The following OSBPL2 variants were observed in gnomAD, a reference collection of about 807,000 sequenced individuals.
OSBPL2 encodes oxysterol binding protein like 2.
In OSBPL2, 18 loss-of-function variants were observed where a neutral mutation model predicts 58.4. The ratio of observed to expected loss-of-function variants is 0.31; its 90% CI spans 0.21 to 0.46. The LOEUF (loss-of-function observed/expected upper bound fraction) is 0.46. OSBPL2 is among the 20% of genes least tolerant of loss of function. OSBPL2 has a pLI of 1.00. For synonymous variants in OSBPL2, 221 were observed against 234.1 expected (o/e 0.94, Z 0.51); for missense variants, 461 against 616.5 (o/e 0.75, Z 2.67).
At chr20:62,281,707 C>T in intron 8 of OSBPL2, 83 bp from the exon 9 acceptor site, 1 of 1,005,976 alleles carries the variant, frequency 9.9e-7, no homozygotes, top group East Asian at 2.4e-5. Context: ...CAGGGGCCTC[C>T]ACCGCGCTTC....
intron 4 of OSBPL2, among the ~76,000 whole-genome samples, chr20:62,270,017 G>T (rs1981950713): frequency 6.6e-6 from 1 of 152,240 alleles, no homozygotes; most frequent in South Asian, 2.1e-4. Flanking sequence ...ACTCGTCCTT[G>T]ACCCAGTGTC....
At chr20:62,285,612 A>C (rs908443983) in intron 10 of OSBPL2, 1 of 152,338 alleles carries the variant, frequency 6.6e-6, no homozygotes, top group Non-Finnish European at 1.5e-5. Flanking sequence ...GAAAGCTCTC[A>C]GTCCCAGAAC....
intron 1 of OSBPL2, among the ~76,000 whole-genome samples, chr20:62,250,203 G>A (rs1980431022): frequency 6.6e-6 from 1 of 152,232 alleles, no homozygotes; most frequent in African/African-American, 2.4e-5. Context: ...GATCATAGTT[G>A]TCTTGCATAG....
chr20:62,246,154 C>A (rs922830918), intron 1 of OSBPL2, among the ~76,000 whole-genome samples: 3 of 152,274 alleles, frequency 2.0e-5, no homozygotes, highest in African/African-American at 7.2e-5. Flanking sequence ...CCTCCATCTT[C>A]CTCCACCCTC....
At chr20:62,283,621 A>G (rs1016046727) in intron 9 of OSBPL2, among the ~76,000 whole-genome samples, 31 of 152,180 alleles carry the variant, frequency 2.0e-4, no homozygotes, top group Admixed American at 1.3e-3. Context: ...CACACAACAC[A>G]TTGAGTGTGT....
chr20:62,254,267 A>G (rs1216659578), intron 1 of OSBPL2, among the ~76,000 whole-genome samples: 3 of 152,192 alleles, frequency 2.0e-5, no homozygotes, highest in Non-Finnish European at 2.9e-5. Flanking sequence ...TCTACACCCC[A>G]GTCTTTCTGG....
chr20:62,263,662 T>C lies in OSBPL2; in HGVS notation c.229T>C (p.Trp77Arg). ...PMFSRSDFSVWTILKKCVGLE... is the reference protein window; with the variant it reads ...PMFSRSDFSVRTILKKCVGLE... ...GTTCAGCAGAAGCGACTTCAGCGTG[T>C]GGACCATCCTGAAGAAGTGTGTTGG... The change falls in exon 4 of 14, where the codon TGG (tryptophan) becomes CGG (arginine). Residue 77 changes from tryptophan (W) to arginine (R), a missense_variant. This residue lies in a region of OSBPL2 where 38 missense variants were observed against 74.2 expected (regional missense o/e 0.51). Transcript: ENST00000313733. 1.9e-6 allele frequency: 3 copies of C among 1,614,140 alleles called. No homozygotes were observed. Among genetic ancestry groups the C allele is most frequent in the Non-Finnish European group, 2.5e-6 (3 of 1,180,012 alleles).
In OSBPL2 at chr20:62,293,766, C is replaced by A; in HGVS notation, c.1341-19C>A. On this transcript the variant is annotated intron_variant, in intron 13 of 13. Transcript: ENST00000313733. ...TTTGGGCTGAGCATCTTCTGACCCC[C>A]CTCCCTTGTATCCGGCAGGTGGTTC... The A allele has an allele frequency of 6.2e-7, 1 of 1,611,338 alleles. No individual in the cohort carries two copies. Among genetic ancestry groups the A allele is most frequent in the Non-Finnish European group, 8.5e-7 (1 of 1,178,772 alleles).
At chr20:62,284,280 C>A in intron 10 of OSBPL2, 111 bp downstream of exon 10, 1 of 1,260,686 alleles carries the variant, frequency 7.9e-7, no homozygotes. Flanking sequence ...TTGGGCCCCA[C>A]CAGGAGAGAT....
At chr20:62,242,331 G>T (rs1568820514) in intron 1 of OSBPL2, 1 of 152,228 alleles carries the variant, frequency 6.6e-6, no homozygotes, top group Non-Finnish European at 1.5e-5. Context: ...ATTCAGAAAA[G>T]AACTTGGGAT....
Position 62,256,967 on chromosome 20 carries a change from A to G in OSBPL2, c.37+746A>G, listed in dbSNP as rs1413176493. 2.0e-5 allele frequency among the ~76,000 whole-genome samples: 3 copies of G among 152,224 alleles called. No homozygotes were observed. In the East Asian group the frequency reaches 5.8e-4, roughly 29 times the overall value. ...CCGCTTGTTTTTTCTGGAAAGGACC[A>G]TTGCTGGTGGGAAGGGGCATCAGGA... is the stretch of plus-strand genomic sequence containing the variant. On this transcript the variant is annotated intron_variant, in intron 2 of 13. Transcript: ENST00000313733.
intron 1 of OSBPL2, among the ~76,000 whole-genome samples, chr20:62,241,192 A>G (rs527282859): frequency 1.1e-4 from 17 of 149,746 alleles, no homozygotes; most frequent in Non-Finnish European, 2.1e-4. Context: ...TTTTTTTGAG[A>G]TGGAGTCTCG....
chr20:62,279,053 C>T (rs1982606578), intron 6 of OSBPL2, 104 bp from the exon 7 acceptor site: 1 of 963,578 alleles, frequency 1.0e-6, no homozygotes, highest in Non-Finnish European at 1.5e-6. Context: ...ATGGAGGGCC[C>T]CTGCTTCCCA....
intron 1 of OSBPL2, among the ~76,000 whole-genome samples, chr20:62,244,316 C>G (rs7274185): frequency 6.6e-6 from 1 of 152,202 alleles, no homozygotes; most frequent in Non-Finnish European, 1.5e-5. Flanking sequence ...TAGCTGCAGC[C>G]GCAGGCTGGG....
chr20:62,274,089 A>G (rs540028486), intron 6 of OSBPL2, among the ~76,000 whole-genome samples: 1 of 151,920 alleles, frequency 6.6e-6, no homozygotes, highest in Admixed American at 6.6e-5. Context: ...AAGTCCTAGA[A>G]CTCTGACCCC....
At chr20:62,266,381 A>T (rs758589452) in intron 4 of OSBPL2, among the ~76,000 whole-genome samples, 9 of 152,228 alleles carry the variant, frequency 5.9e-5, no homozygotes, top group African/African-American at 2.2e-4. Flanking sequence ...CTCAGCTTGT[A>T]TTGAAAAAAC....
At chr20:62,276,328 T>G (rs1275572625) in intron 6 of OSBPL2, among the ~76,000 whole-genome samples, 4 of 152,258 alleles carry the variant, frequency 2.6e-5, no homozygotes, top group Admixed American at 6.5e-5. Context: ...ATGTTTGTCC[T>G]AGAAGGTGTG....
chr20:62,280,331 G>C (rs1213724349), intron 7 of OSBPL2: 1 of 332,744 alleles, frequency 3.0e-6, no homozygotes, highest in Non-Finnish European at 5.9e-6. Context: ...TGGTATGGCC[G>C]AGTGCCTGTT....
At chr20:62,274,317 A>C (rs1267040585) in intron 6 of OSBPL2, among the ~76,000 whole-genome samples, 1 of 152,192 alleles carries the variant, frequency 6.6e-6, no homozygotes, top group Admixed American at 6.5e-5. Context: ...GTAATTCCTC[A>C]GCCATTGAGC....
Sources: gnomAD v4.1 joint callset for allele counts (sites outside exome capture counted in the v4.1 genomes callset) on GRCh38, gnomAD v4.1.1 for gene constraint, gnomAD v4.1.1 regional missense constraint, MANE v1.5 for transcripts, NCBI Gene and HGNC (gene_info 2026-07-23, HGNC 2026-07-21) for gene names.